The following SMYD3 variants were observed in gnomAD, a reference collection of about 807,000 sequenced individuals.
SMYD3 encodes histone-lysine N-methyltransferase SMYD3.
In SMYD3, 36 loss-of-function variants were observed where a neutral mutation model predicts 57.7. That is an observed-to-expected ratio of 0.62 (90% CI 0.48 to 0.82). The LOEUF is 0.82. Ranked by LOEUF, SMYD3 falls within the 40% of genes least tolerant of loss-of-function variation. The pLI, the probability that SMYD3 is intolerant of heterozygous loss-of-function variation, is 0.00. For synonymous variants in SMYD3, 211 were observed against 195.0 expected (o/e 1.08, Z -0.68); for missense variants, 515 against 538.8 (o/e 0.96, Z 0.44).
chr1:245,946,604 C>G (rs1252621369), intron 5 of SMYD3, among the ~76,000 whole-genome samples: 1 of 152,078 alleles, frequency 6.6e-6, no homozygotes, highest in Admixed American at 6.5e-5. Flanking sequence ...GAAATTTGGT[C>G]AAAATAACCT....
chr1:246,199,463 C>T (rs547170286), intron 5 of SMYD3, among the ~76,000 whole-genome samples: 4 of 152,202 alleles, frequency 2.6e-5, no homozygotes, highest in Non-Finnish European at 4.4e-5. Flanking sequence ...ATTCAGTGCA[C>T]CAAACAGGGA....
chr1:246,120,214 A>G (rs1055626780), intron 5 of SMYD3, among the ~76,000 whole-genome samples: 1 of 152,184 alleles, frequency 6.6e-6, no homozygotes, highest in Non-Finnish European at 1.5e-5. Context: ...TGAAGGATTT[A>G]TAACTTGCTT....
chr1:246,220,271 C>A (rs1186578456), intron 5 of SMYD3, among the ~76,000 whole-genome samples: 1 of 151,874 alleles, frequency 6.6e-6, no homozygotes, highest in Non-Finnish European at 1.5e-5. Flanking sequence ...AATGGCCGGG[C>A]CTGCACACTC....
chr1:246,068,480 A>T (rs190743167), intron 5 of SMYD3, among the ~76,000 whole-genome samples: 1 of 152,214 alleles, frequency 6.6e-6, no homozygotes, highest in Non-Finnish European at 1.5e-5. Flanking sequence ...CTAAATGGTT[A>T]AAGTCTTTGC....
rs1013287682 is a variant in SMYD3, at chr1:246,160,278, G to A, written c.531+166923C>T. Among the ~76,000 whole-genome samples, 64 of 152,150 alleles carry A rather than the reference G, an allele frequency of 4.2e-4. 1 individual carries two copies. The highest frequency in any genetic ancestry group is 1.4e-3 in the African/African-American group (59 of 41,442). Reference sequence around the variant, plus strand: ...TTCATTTATTTCAAAGTTCTAGATAGAGAGAACTCTATGTCTTTCTTTGCC... The same window carrying A: ...TTCATTTATTTCAAAGTTCTAGATAAAGAGAACTCTATGTCTTTCTTTGCC... On this transcript the variant is annotated intron_variant, in intron 5 of 11. Coordinates refer to ENST00000490107, the MANE Select transcript of SMYD3 (RefSeq NM_001167740.2).
At chr1:246,009,459 T>C (rs982815286) in intron 5 of SMYD3, among the ~76,000 whole-genome samples, 3 of 152,176 alleles carry the variant, frequency 2.0e-5, no homozygotes, top group Admixed American at 6.5e-5. Context: ...ACAGAAATAT[T>C]TGTGAATATA....
chr1:245,793,223 C>G lies in SMYD3; in HGVS notation c.1077-29074G>C, dbSNP rs375276989. Among the ~76,000 whole-genome samples, 619 of 151,766 alleles carry G rather than the reference C, an allele frequency of 4.1e-3. 5 individuals carry two copies. Among genetic ancestry groups the G allele is most frequent in the African/African-American group, 0.012 (498 of 41,370 alleles). On this transcript the variant is annotated intron_variant, in intron 10 of 11. Coordinates refer to ENST00000490107, the MANE Select transcript of SMYD3 (RefSeq NM_001167740.2). Reference sequence around the variant, plus strand: ...ACTCGGGAGGCTGAGGCAGGAGAATCGCTTGAACCCAGGAGACGGAGCTTG... The same window carrying G: ...ACTCGGGAGGCTGAGGCAGGAGAATGGCTTGAACCCAGGAGACGGAGCTTG...
At chr1:246,391,219 C>A (rs531861998) in intron 1 of SMYD3, among the ~76,000 whole-genome samples, 14 of 131,116 alleles carry the variant, frequency 1.1e-4, no homozygotes, top group Non-Finnish European at 1.9e-4. Context: ...GACTCTATAT[C>A]TGAAAAAAAA....
At chr1:246,273,341 G>A (rs886908789) in intron 5 of SMYD3, among the ~76,000 whole-genome samples, 16 of 150,866 alleles carry the variant, frequency 1.1e-4, no homozygotes, top group East Asian at 3.9e-4. Context: ...GTAAAGACGG[G>A]GTTTCACCAT....
intron 8 of SMYD3, among the ~76,000 whole-genome samples, chr1:245,900,134 C>T (rs529696792): frequency 9.9e-5 from 15 of 152,202 alleles, no homozygotes; most frequent in African/African-American, 2.6e-4. Context: ...TAATATTAAA[C>T]GAATCTTTAG....
chr1:246,207,295 C>A (rs1238350280), intron 5 of SMYD3, among the ~76,000 whole-genome samples: 2 of 152,096 alleles, frequency 1.3e-5, no homozygotes, highest in Admixed American at 1.3e-4. Flanking sequence ...ATCAGATCCT[C>A]ATTACTTATT....
At chr1:246,314,135 G>A (rs2065121427) in intron 5 of SMYD3, among the ~76,000 whole-genome samples, 1 of 152,082 alleles carries the variant, frequency 6.6e-6, no homozygotes, top group Admixed American at 6.5e-5. Context: ...GAAGGACAGA[G>A]GTATGTAAGG....
At position 246,379,008 on chromosome 1, in the gene SMYD3, C is replaced by A. The variant is rs1303619143; in HGVS notation, c.165-23914G>T. Among the ~76,000 whole-genome samples the A allele has an allele frequency of 2.8e-5, 4 of 142,424 alleles. No homozygotes were observed. In the East Asian group the frequency reaches 8.0e-4, roughly 28 times the overall value. 93.4% of individuals were successfully genotyped at this position (142,424 alleles called of 152,430 possible). On this transcript the variant is annotated intron_variant, in intron 1 of 11. Coordinates refer to ENST00000490107, the MANE Select transcript of SMYD3 (RefSeq NM_001167740.2). ...ATAAACTATAACATCTATTTCCCCC[C>A]AGAGAAAATGAGAAAGAAAACAATA... is the stretch of plus-strand genomic sequence containing the variant.
At chr1:246,498,625 G>A (rs2068406308) in intron 1 of SMYD3, among the ~76,000 whole-genome samples, 1 of 151,706 alleles carries the variant, frequency 6.6e-6, no homozygotes, top group African/African-American at 2.4e-5. Flanking sequence ...CAGCTACTCG[G>A]GAGGCTGAGG....
At chr1:246,006,056 T>C (rs1036627728) in intron 5 of SMYD3, among the ~76,000 whole-genome samples, 1 of 152,188 alleles carries the variant, frequency 6.6e-6, no homozygotes, top group Non-Finnish European at 1.5e-5. Context: ...TCTTGACATT[T>C]GGGAAGCAAT....
At chr1:245,882,259 A>T (rs2052823507) in intron 8 of SMYD3, among the ~76,000 whole-genome samples, 1 of 152,184 alleles carries the variant, frequency 6.6e-6, no homozygotes, top group African/African-American at 2.4e-5. Flanking sequence ...ACTTAACCTC[A>T]TTCTGGCACG....
intron 5 of SMYD3, among the ~76,000 whole-genome samples, chr1:246,008,970 C>T (rs566334866): frequency 2.4e-4 from 36 of 152,266 alleles, no homozygotes; most frequent in African/African-American, 7.5e-4. Flanking sequence ...CCAGCCGTAC[C>T]GCTTGCTAGC....
At chr1:245,817,627 G>A (rs1015277841) in intron 10 of SMYD3, among the ~76,000 whole-genome samples, 3 of 151,802 alleles carry the variant, frequency 2.0e-5, no homozygotes, top group Non-Finnish European at 2.9e-5. Context: ...CAAACCAAAG[G>A]CAAAGAAGTT....
rs527381035 is a variant in SMYD3 at position 245,878,439 on chromosome 1, C to T, written c.814-14553G>A. Among the ~76,000 whole-genome samples the T allele has an allele frequency of 4.8e-4, 73 of 152,170 alleles. 2 individuals are homozygous for T. Among genetic ancestry groups the T allele is most frequent in the Non-Finnish European group, 9.4e-4 (64 of 68,002 alleles). Reference sequence around the variant, plus strand: ...GTGGTAGAAGCGGGTGGTGGGGACTCGGCTTTGGCAAGGAGGTCCCCATTT... The same window carrying T: ...GTGGTAGAAGCGGGTGGTGGGGACTTGGCTTTGGCAAGGAGGTCCCCATTT... On this transcript the variant is annotated intron_variant, in intron 8 of 11. Coordinates refer to ENST00000490107, the MANE Select transcript of SMYD3 (RefSeq NM_001167740.2).
Sources: allele counts gnomAD v4.1 joint callset (sites outside exome capture counted in the v4.1 genomes callset), GRCh38; gene constraint gnomAD v4.1.1; transcripts MANE v1.5; gene names NCBI Gene and HGNC (gene_info 2026-07-23, HGNC 2026-07-21).